EBF1: variants seen among roughly 807,000 people sequenced by gnomAD.
EBF1 encodes transcription factor COE1.
Under a neutral mutation model 68.4 loss-of-function variants are expected in EBF1, and 10 were observed. The observed-to-expected ratio is 0.15, with a 90% CI of 0.09 to 0.25. The LOEUF (loss-of-function observed/expected upper bound fraction) is 0.25, where lower values mean the gene tolerates loss of function less well. Ranked by LOEUF, EBF1 falls within the 10% of genes least tolerant of loss-of-function variation. The pLI is 1.00. For missense variants in EBF1, 509 were observed against 794.4 expected (o/e 0.64, Z 4.32); for synonymous variants, 298 against 299.8 (o/e 0.99, Z 0.06).
intron 10 of EBF1, among the ~76,000 whole-genome samples, chr5:158,749,078 T>G (rs971340263): frequency 3.3e-5 from 5 of 152,142 alleles, no homozygotes; most frequent in Non-Finnish European, 7.4e-5. Flanking sequence ...AGGGCCTAGA[T>G]TGACTGCCCT....
chr5:158,917,816 G>A (rs1382002384), intron 6 of EBF1, among the ~76,000 whole-genome samples: 1 of 152,154 alleles, frequency 6.6e-6, no homozygotes, highest in Non-Finnish European at 1.5e-5. Context: ...TTCCTCAAGG[G>A]ATGCACTGAA....
chr5:158,930,390 G>C (rs1810605552), intron 6 of EBF1, among the ~76,000 whole-genome samples: 2 of 151,828 alleles, frequency 1.3e-5, no homozygotes, highest in African/African-American at 4.8e-5. Flanking sequence ...GAATCAACAA[G>C]ATATGGGTAA....
In EBF1 at chr5:159,054,593, T is replaced by A. The variant is rs1227143733; in HGVS notation, c.554+18803A>T. Among the ~76,000 whole-genome samples, 3 of 152,354 alleles carry A rather than the reference T, an allele frequency of 2.0e-5. No individual in the cohort carries two copies. In the East Asian group the frequency reaches 5.8e-4, roughly 29 times the overall value. On this transcript the variant is annotated intron_variant, in intron 6 of 15. Coordinates refer to ENST00000313708, the MANE Select transcript of EBF1 (RefSeq NM_024007.5). ...AAGCAAAGGATATTAGCAGAGCATA[T>A]AATTTCATAGCTTCATTCCAAAGAT...
intron 6 of EBF1, among the ~76,000 whole-genome samples, chr5:158,968,134 AT>A: frequency 6.6e-6 from 1 of 152,336 alleles, no homozygotes; most frequent in East Asian, 1.9e-4. Context: ...AGTCAGTGCG[AT>A]TCATTTAATG....
chr5:158,877,700 G>GCA (rs3035127), intron 6 of EBF1, among the ~76,000 whole-genome samples: 71,533 of 150,660 alleles, frequency 0.47, 17,975 homozygotes, highest in South Asian at 0.72. Flanking sequence ...TACTACAAAC[G>GCA]CACACACACA....
At chr5:158,924,645 G>A (rs2127416002) in intron 6 of EBF1, among the ~76,000 whole-genome samples, 1 of 152,120 alleles carries the variant, frequency 6.6e-6, no homozygotes, top group Non-Finnish European at 1.5e-5. Context: ...GAGGTCACGA[G>A]ATCGAGACCA....
chr5:158,730,403 C>A (rs1028208279), intron 11 of EBF1, among the ~76,000 whole-genome samples: 1 of 152,196 alleles, frequency 6.6e-6, no homozygotes, highest in African/African-American at 2.4e-5. Flanking sequence ...AACAGGTATG[C>A]AATAGTCAAT....
intron 9 of EBF1, among the ~76,000 whole-genome samples, chr5:158,789,967 T>C (rs548163537): frequency 2.4e-4 from 37 of 152,332 alleles, no homozygotes; most frequent in African/African-American, 8.9e-4. Context: ...TTTTCCAATT[T>C]TTTGATTTAA....
At chr5:158,918,702 C>T (rs1447627010) in intron 6 of EBF1, among the ~76,000 whole-genome samples, 1 of 152,224 alleles carries the variant, frequency 6.6e-6, no homozygotes, top group Non-Finnish European at 1.5e-5. Context: ...CTTACCCTTA[C>T]TTTACATTGG....
At chr5:158,765,006 A>T (rs1772350862) in intron 10 of EBF1, among the ~76,000 whole-genome samples, 1 of 152,200 alleles carries the variant, frequency 6.6e-6, no homozygotes, top group African/African-American at 2.4e-5. Flanking sequence ...TCAACTATAA[A>T]AATGCATTTA....
At chr5:158,973,181 T>G (rs1561673603) in intron 6 of EBF1, among the ~76,000 whole-genome samples, 1 of 152,170 alleles carries the variant, frequency 6.6e-6, no homozygotes, top group Non-Finnish European at 1.5e-5. Flanking sequence ...CTTTTATTTG[T>G]GCTAATCCCC....
chr5:158,723,219 C>T (rs566425812), intron 11 of EBF1, among the ~76,000 whole-genome samples: 1 of 152,296 alleles, frequency 6.6e-6, no homozygotes, highest in African/African-American at 2.4e-5. Flanking sequence ...AGGTCTAGGC[C>T]ACCACTTGCC....
chr5:158,856,602 G>A (rs890820986), intron 6 of EBF1, among the ~76,000 whole-genome samples: 2 of 151,116 alleles, frequency 1.3e-5, no homozygotes, highest in African/African-American at 4.9e-5. Context: ...AAATAATAAT[G>A]AGTTAAGCAT....
At chr5:159,073,583 T>C in intron 5 of EBF1, 119 bp from the exon 6 acceptor site, 1 of 1,084,456 alleles carries the variant, frequency 9.2e-7, no homozygotes, top group South Asian at 1.3e-5. Context: ...AAGCCATACC[T>C]GGCAATCAAC....
intron 6 of EBF1, among the ~76,000 whole-genome samples, chr5:158,938,834 T>C (rs1812643032): frequency 6.6e-6 from 1 of 152,282 alleles, no homozygotes; most frequent in Middle Eastern, 3.4e-3. Flanking sequence ...TTTGAAATAA[T>C]GAATATTGGA....
At chr5:158,801,263 A>G (rs776350834) in intron 8 of EBF1, among the ~76,000 whole-genome samples, 11 of 152,110 alleles carry the variant, frequency 7.2e-5, no homozygotes, top group Non-Finnish European at 1.5e-4. Context: ...TCACTCCACA[A>G]ATAAAAGCTC....
At chr5:158,786,820 T>C (rs1006645594) in intron 9 of EBF1, among the ~76,000 whole-genome samples, 2 of 152,142 alleles carry the variant, frequency 1.3e-5, no homozygotes, top group African/African-American at 4.8e-5. Flanking sequence ...TCTTTGCCTA[T>C]GGAATTAGTA....
At chr5:158,967,577 T>G (rs1175045438) in intron 6 of EBF1, among the ~76,000 whole-genome samples, 1 of 152,170 alleles carries the variant, frequency 6.6e-6, no homozygotes, top group African/African-American at 2.4e-5. Flanking sequence ...AGTTATGTAG[T>G]TGCTCAGAAG....
At chr5:158,945,431 A>T (rs1814440212) in intron 6 of EBF1, among the ~76,000 whole-genome samples, 1 of 152,100 alleles carries the variant, frequency 6.6e-6, no homozygotes. Flanking sequence ...ATTGGTCTAT[A>T]TATCTGTTTT....
Sources: gnomAD v4.1 joint callset for allele counts (sites outside exome capture counted in the v4.1 genomes callset) on GRCh38, gnomAD v4.1.1 for gene constraint, MANE v1.5 for transcripts, NCBI Gene and HGNC (gene_info 2026-07-23, HGNC 2026-07-21) for gene names.